SLC35F2: variants seen among roughly 807,000 people sequenced by gnomAD.
SLC35F2 encodes solute carrier family 35 member F2, also known as queuine/queuosine transporter SLC35F2.
Under a neutral mutation model 38.1 loss-of-function variants are expected in SLC35F2, and 25 were observed. The ratio of observed to expected loss-of-function variants is 0.66; its 90% CI spans 0.48 to 0.92. The LOEUF is 0.92. SLC35F2 is among the 40% of genes least tolerant of loss of function. The pLI, the probability that SLC35F2 is intolerant of heterozygous loss-of-function variation, is 0.00. For missense variants in SLC35F2, 409 were observed against 452.9 expected (o/e 0.90, Z 0.88); for synonymous variants, 173 against 181.7 (o/e 0.95, Z 0.38).
In SLC35F2 at chr11:107,792,727, C is replaced by A. The variant is rs377369981; in HGVS notation, c.1013G>T (p.Arg338Leu). ...GCTGCTTTCAGCCGGCTCGGCCGTG[C>A]GAGTAGGGGTGGAGCAGTACAGGAT... is the stretch of plus-strand genomic sequence containing the variant. ...GFILYCSTPTRTAEPAESSVP... is the reference protein window; with the variant it reads ...GFILYCSTPTLTAEPAESSVP... Residue 338 changes from arginine (R) to leucine (L), a missense_variant, in exon 8 of 8, where the codon CGC (arginine) becomes CTC (leucine). Transcript: ENST00000525815. 1 of 1,613,692 alleles carries A rather than the reference C, an allele frequency of 6.2e-7. No homozygotes were observed. The highest frequency in any genetic ancestry group is 1.1e-5 in the South Asian group (1 of 90,980).
intron 6 of SLC35F2, chr11:107,803,455 C>T (rs2134771027): frequency 1.0e-6 from 1 of 981,056 alleles, no homozygotes; most frequent in Middle Eastern, 5.2e-4. Flanking sequence ...TTGCTATGCA[C>T]CCTGCCAGGA....
At chr11:107,841,123 G>A (rs1480833783) in intron 1 of SLC35F2, among the ~76,000 whole-genome samples, 2 of 152,160 alleles carry the variant, frequency 1.3e-5, no homozygotes, top group African/African-American at 4.8e-5. Flanking sequence ...GGATTATCGG[G>A]GAACCTGATG....
chr11:107,799,721 C>T (rs533213190), intron 7 of SLC35F2, among the ~76,000 whole-genome samples: 6 of 151,950 alleles, frequency 3.9e-5, no homozygotes, highest in East Asian at 1.9e-4. Context: ...TACAGATGCA[C>T]GCCACCACTC....
At chr11:107,857,203 G>A (rs1259763167) in intron 1 of SLC35F2, among the ~76,000 whole-genome samples, 4 of 126,562 alleles carry the variant, frequency 3.2e-5, no homozygotes, top group East Asian at 2.9e-4. Context: ...GGACACGGAC[G>A]GAAGGAAGGA....
At chr11:107,820,026 C>T (rs781120067) in intron 1 of SLC35F2, among the ~76,000 whole-genome samples, 8 of 151,956 alleles carry the variant, frequency 5.3e-5, no homozygotes, top group Non-Finnish European at 1.2e-4. Context: ...GAGGCCAAGG[C>T]GGATGGATTA....
At chr11:107,844,185 C>T (rs1327754419) in intron 1 of SLC35F2, among the ~76,000 whole-genome samples, 1 of 152,030 alleles carries the variant, frequency 6.6e-6, no homozygotes, top group Non-Finnish European at 1.5e-5. Flanking sequence ...GCTCTGGGGG[C>T]CAGACTGCCT....
intron 1 of SLC35F2, among the ~76,000 whole-genome samples, chr11:107,826,632 G>C (rs914511907): frequency 6.6e-6 from 1 of 152,096 alleles, no homozygotes; most frequent in African/African-American, 2.4e-5. Flanking sequence ...TTGTTTTATA[G>C]ATTTGCCTTT....
intron 3 of SLC35F2, among the ~76,000 whole-genome samples, chr11:107,807,362 A>T (rs1209317107): frequency 6.6e-6 from 1 of 151,294 alleles, no homozygotes; most frequent in Admixed American, 6.6e-5. Flanking sequence ...AGGTGAGAGG[A>T]TCACTTGAGC....
rs1315818369 is a variant in SLC35F2 at position 107,791,257 on chromosome 11, A to AT, written c.*1357dup. The stretch of plus-strand genomic sequence containing the variant: ...CATACTCTTTGGTGAGAAATGATTA[A>AT]TTTTATATTTTCATTTTGATGAGAA... On this transcript the variant is annotated 3_prime_UTR_variant, in exon 8 of 8. Coordinates refer to ENST00000525815, the MANE Select transcript of SLC35F2 (RefSeq NM_017515.5). The AT allele has an allele frequency of 6.6e-6, 1 of 152,414 alleles. No individual in the cohort carries two copies. The highest frequency in any genetic ancestry group is 1.5e-5 in the Non-Finnish European group (1 of 68,044). The allele number at this position is 152,414 out of a possible 1,614,324, so 9.4% of individuals were successfully genotyped here.
intron 1 of SLC35F2, among the ~76,000 whole-genome samples, chr11:107,832,283 T>C (rs981292790): frequency 2.6e-5 from 4 of 152,228 alleles, no homozygotes; most frequent in African/African-American, 9.6e-5. Flanking sequence ...ATGTTGTTAG[T>C]TCCCGGAACT....
At chr11:107,850,447 T>C (rs1051512470) in intron 1 of SLC35F2, among the ~76,000 whole-genome samples, 1 of 151,954 alleles carries the variant, frequency 6.6e-6, no homozygotes, top group African/African-American at 2.4e-5. Flanking sequence ...ATATCACAAC[T>C]GGGAGTGGGG....
intron 6 of SLC35F2, chr11:107,803,436 A>C: frequency 1.0e-6 from 1 of 984,886 alleles, no homozygotes; most frequent in East Asian, 1.1e-4. Flanking sequence ...CATTGCTCTT[A>C]ATCACCCCTT....
At chr11:107,796,681 T>G (rs1034561099) in intron 7 of SLC35F2, among the ~76,000 whole-genome samples, 1 of 152,102 alleles carries the variant, frequency 6.6e-6, no homozygotes, top group African/African-American at 2.4e-5. Flanking sequence ...TAGTGGTGGT[T>G]GTTTTGAGAC....
chr11:107,818,576 A>G (rs931473347), intron 1 of SLC35F2, among the ~76,000 whole-genome samples: 4 of 152,128 alleles, frequency 2.6e-5, no homozygotes, highest in African/African-American at 9.7e-5. Flanking sequence ...TTGTTTCAAA[A>G]TTTTATACAG....
intron 1 of SLC35F2, among the ~76,000 whole-genome samples, chr11:107,822,020 T>A (rs180982800): frequency 1.1e-4 from 16 of 152,288 alleles, no homozygotes; most frequent in African/African-American, 3.8e-4. Context: ...GGCGGATCAC[T>A]TGAGGTCAGG....
intron 1 of SLC35F2, among the ~76,000 whole-genome samples, chr11:107,843,862 AAAAAAAAT>A (rs1469495717): frequency 2.7e-4 from 10 of 37,188 alleles, no homozygotes; most frequent in Non-Finnish European, 4.6e-4. Context: ...AAAAAAAAAA[AAAAAAAAT>A]ATATATATAT....
rs781015500 is a variant in SLC35F2, at chr11:107,818,136, A to AAAGAAAG, written c.111-2172_111-2171insCTTTCTT. On this transcript the variant is annotated intron_variant, in intron 1 of 7. Coordinates refer to ENST00000525815, the MANE Select transcript of SLC35F2 (RefSeq NM_017515.5). ...AGAAAGAAAGAAAGAAAGAAAGAAA[A>AAAGAAAG]AGAAACAATTGTCAGCTGGGCATAG... Among the ~76,000 whole-genome samples, 407 of 141,236 alleles carry AAAGAAAG rather than the reference A, an allele frequency of 2.9e-3. 3 individuals carry two copies. The highest frequency in any genetic ancestry group is 7.6e-3 in the Middle Eastern group (2 of 264). 92.7% of individuals were successfully genotyped at this position (141,236 alleles called of 152,430 possible).
chr11:107,813,176 G>A (rs10160322), intron 2 of SLC35F2, among the ~76,000 whole-genome samples: 19,139 of 152,112 alleles, frequency 0.13, 1,643 homozygotes, highest in African/African-American at 0.25. Context: ...CGGGTGCGGT[G>A]GCTCACACCT....
chr11:107,803,291 T>C (rs1162558156), intron 6 of SLC35F2, 136 bp from the exon 7 acceptor site: 3 of 1,317,816 alleles, frequency 2.3e-6, no homozygotes, highest in African/African-American at 3.1e-5. Context: ...ACAGTCAGCA[T>C]TGAAAATGAG....
Sources: allele counts gnomAD v4.1 joint callset (sites outside exome capture counted in the v4.1 genomes callset), GRCh38; gene constraint gnomAD v4.1.1; transcripts MANE v1.5; gene names NCBI Gene and HGNC (gene_info 2026-07-23, HGNC 2026-07-21).